The following ASIC2 variants were observed in gnomAD, a reference collection of about 807,000 sequenced individuals.
ASIC2 encodes the protein acid sensing ion channel subunit 2, also known as acid-sensing ion channel 2.
ASIC2 carries 25 observed loss-of-function variants against 57.3 expected under a neutral mutation model. The ratio of observed to expected loss-of-function variants is 0.44; its 90% CI spans 0.32 to 0.61. The LOEUF is 0.61. Among genes scored for constraint, ASIC2 ranks in the 20% least tolerant of loss-of-function variants. ASIC2 has a pLI of 0.06. For missense variants in ASIC2, 641 were observed against 738.1 expected, an observed-to-expected ratio of 0.87 and a Z score of 1.52; for synonymous variants, 319 against 307.5, an observed-to-expected ratio of 1.04 and a Z score of -0.39.
At chr17:33,260,450 A>G (rs557269291) in intron 1 of ASIC2, among the ~76,000 whole-genome samples, 1 of 152,358 alleles carries the variant, frequency 6.6e-6, no homozygotes, top group African/African-American at 2.4e-5. Flanking sequence ...CCCAAAGGTC[A>G]GACAGAATCA....
At chr17:33,344,079 T>C (rs1346958342) in intron 1 of ASIC2, among the ~76,000 whole-genome samples, 1 of 152,202 alleles carries the variant, frequency 6.6e-6, no homozygotes, top group Non-Finnish European at 1.5e-5. Flanking sequence ...TAGCACAACA[T>C]GGCGTCAAAA....
chr17:34,099,725 GGAAAGAAGGAAAGAAA>G (rs1910762458), intron 1 of ASIC2, among the ~76,000 whole-genome samples: 2 of 66,258 alleles, frequency 3.0e-5, no homozygotes, highest in South Asian at 4.8e-4. Flanking sequence ...AAAGAAAGAA[GGAAAGAAGGAAAGAAA>G]GAAAGAAAGA....
intron 1 of ASIC2, among the ~76,000 whole-genome samples, chr17:33,289,664 T>G (rs1304126258): frequency 1.3e-5 from 2 of 152,242 alleles, no homozygotes; most frequent in East Asian, 3.8e-4. Flanking sequence ...TTTTAGAGCT[T>G]CATTTTTCTT....
At chr17:33,953,432 A>C (rs1181678598) in intron 1 of ASIC2, among the ~76,000 whole-genome samples, 1 of 152,196 alleles carries the variant, frequency 6.6e-6, no homozygotes, top group Non-Finnish European at 1.5e-5. Context: ...CCTTTATTAG[A>C]CACTGTGATC....
At position 33,641,451 on chromosome 17, in the gene ASIC2, A is replaced by G. The variant is rs1597818099; in HGVS notation, c.555+514527T>C. Among the ~76,000 whole-genome samples, 4 of 152,194 alleles carry G rather than the reference A, an allele frequency of 2.6e-5. No homozygotes were observed. In the East Asian group the frequency reaches 7.7e-4, roughly 29 times the overall value. ...TGTGTTCTCATGCATGGTGGTGCCC[A>G]AAAGGCCATAGGAATTTGACAGTTG... On this transcript the variant is annotated intron_variant, in intron 1 of 9. Coordinates refer to the ASIC2 transcript ENST00000359872.
At chr17:33,578,785 T>C (rs549918206) in intron 1 of ASIC2, among the ~76,000 whole-genome samples, 10 of 109,078 alleles carry the variant, frequency 9.2e-5, no homozygotes, top group African/African-American at 3.2e-4. Context: ...TTTCGCATAA[T>C]CCTAAGATTA....
chr17:33,157,381 G>A (rs12936306), intron 1 of ASIC2, among the ~76,000 whole-genome samples: 18,952 of 152,128 alleles, frequency 0.12, 1,608 homozygotes, highest in Non-Finnish European at 0.19. Flanking sequence ...TGAATAAACC[G>A]AGGCTCTTTG....
At chr17:33,265,278 C>T (rs59184791) in intron 1 of ASIC2, among the ~76,000 whole-genome samples, 2,360 of 152,234 alleles carry the variant, frequency 0.016, 60 homozygotes, top group African/African-American at 0.054. Context: ...CAGTGATAGA[C>T]TGGATAAAGA....
chr17:33,929,379 G>A (rs953258715), intron 1 of ASIC2, among the ~76,000 whole-genome samples: 4 of 152,126 alleles, frequency 2.6e-5, no homozygotes, highest in African/African-American at 7.2e-5. Context: ...TAGCTCCTGC[G>A]GAGCCTGGGC....
chr17:33,341,685 G>T (rs1242912327), intron 1 of ASIC2, among the ~76,000 whole-genome samples: 1 of 152,124 alleles, frequency 6.6e-6, no homozygotes, highest in Non-Finnish European at 1.5e-5. Context: ...CTTTCACTTA[G>T]AAGGATCTTG....
intron 1 of ASIC2, among the ~76,000 whole-genome samples, chr17:33,845,782 C>G (rs778841262): frequency 6.6e-6 from 1 of 152,014 alleles, no homozygotes; most frequent in Admixed American, 6.6e-5. Flanking sequence ...AATATCTTAT[C>G]GTATATTGTG....
intron 1 of ASIC2, among the ~76,000 whole-genome samples, chr17:33,253,890 C>A (rs746583101): frequency 2.0e-5 from 3 of 152,000 alleles, no homozygotes; most frequent in Non-Finnish European, 4.4e-5. Context: ...GAGGAAGCAC[C>A]CTCCAACCCA....
intron 1 of ASIC2, among the ~76,000 whole-genome samples, chr17:33,987,424 C>G (rs1337531977): frequency 1.3e-5 from 2 of 152,180 alleles, no homozygotes; most frequent in African/African-American, 4.8e-5. Flanking sequence ...CCTAGCAACA[C>G]TTTCCCACAC....
At chr17:34,092,848 G>A (rs1910381401) in intron 1 of ASIC2, among the ~76,000 whole-genome samples, 1 of 152,048 alleles carries the variant, frequency 6.6e-6, no homozygotes, top group African/African-American at 2.4e-5. Flanking sequence ...AGGCTTTACT[G>A]TTCCCATAAA....
intron 1 of ASIC2, among the ~76,000 whole-genome samples, chr17:33,967,806 G>A (rs764780114): frequency 3.9e-5 from 6 of 152,154 alleles, no homozygotes; most frequent in Non-Finnish European, 7.3e-5. Flanking sequence ...CCACACCCCT[G>A]TGAGTAGACA....
At chr17:33,573,615 GA>G (rs1398726253) in intron 1 of ASIC2, among the ~76,000 whole-genome samples, 1 of 152,112 alleles carries the variant, frequency 6.6e-6, no homozygotes, top group East Asian at 1.9e-4. Context: ...ACCCAGCCTG[GA>G]GAGCAGTGTC....
intron 1 of ASIC2, among the ~76,000 whole-genome samples, chr17:34,074,301 T>A (rs60401813): frequency 6.6e-6 from 1 of 152,116 alleles, no homozygotes; most frequent in African/African-American, 2.4e-5. Context: ...CTAATGAACA[T>A]TGCATGCAAT....
chr17:33,313,033 T>G (rs556993703), intron 1 of ASIC2, among the ~76,000 whole-genome samples: 68 of 152,314 alleles, frequency 4.5e-4, no homozygotes, highest in African/African-American at 1.5e-3. Context: ...CTGGGCTGGT[T>G]GCAGTGCCTC....
intron 1 of ASIC2, among the ~76,000 whole-genome samples, chr17:33,587,130 A>T (rs1904666545): frequency 6.6e-6 from 1 of 152,200 alleles, no homozygotes. Flanking sequence ...ATGTTACATG[A>T]TTATGTATTG....
Sources: gnomAD v4.1 joint callset for allele counts (sites outside exome capture counted in the v4.1 genomes callset) on GRCh38, gnomAD v4.1.1 for gene constraint, MANE v1.5 for transcripts, NCBI Gene and HGNC (gene_info 2026-07-23, HGNC 2026-07-21) for gene names.